The following MKLN1 variants were observed in gnomAD, a reference collection of about 807,000 sequenced individuals.
MKLN1 encodes muskelin.
In MKLN1, 18 loss-of-function variants were observed where a neutral mutation model predicts 99.0. The ratio of observed to expected loss-of-function variants is 0.18; its 90% confidence interval spans 0.13 to 0.27. MKLN1 has a LOEUF of 0.27. Among genes scored for constraint, MKLN1 ranks in the 10% least tolerant of loss-of-function variants. The probability of loss-of-function intolerance (pLI) is 1.00; values close to 1 mark genes in which losing one functional copy is unlikely to be tolerated. For synonymous variants in MKLN1, 288 were observed against 293.2 expected (o/e 0.98, Z 0.18); for missense variants, 621 against 875.9 (o/e 0.71, Z 3.67).
At chr7:131,419,258 T>TTG (rs1554571581) in intron 8 of MKLN1, among the ~76,000 whole-genome samples, 3 of 143,214 alleles carry the variant, frequency 2.1e-5, no homozygotes, top group Non-Finnish European at 3.1e-5. Flanking sequence ...TTTTGTTTTT[T>TTG]TTTTTTTTTT....
At chr7:131,359,939 C>A (rs1262946534) in intron 1 of MKLN1, among the ~76,000 whole-genome samples, 1 of 151,668 alleles carries the variant, frequency 6.6e-6, no homozygotes, top group Non-Finnish European at 1.5e-5. Flanking sequence ...AAAACATGTA[C>A]TTTTTTACCA....
intron 3 of MKLN1, among the ~76,000 whole-genome samples, chr7:131,203,898 C>G (rs1796766438): frequency 6.6e-6 from 1 of 152,114 alleles, no homozygotes; most frequent in South Asian, 2.1e-4. Flanking sequence ...TAACATAGCC[C>G]TCATTTATTG....
intron 1 of MKLN1, among the ~76,000 whole-genome samples, chr7:131,328,409 GA>G (rs1373435205): frequency 2.6e-5 from 4 of 152,162 alleles, no homozygotes; most frequent in African/African-American, 9.7e-5. Context: ...GGCGTCGGGG[GA>G]CAGTTCAGTC....
chr7:131,346,298 G>T (rs1263181288), intron 1 of MKLN1, among the ~76,000 whole-genome samples: 3 of 152,150 alleles, frequency 2.0e-5, no homozygotes, highest in Non-Finnish European at 4.4e-5. Context: ...CAAGGCAGGT[G>T]GATCACTTGA....
At chr7:131,280,240 C>A (rs1798031459) in intron 3 of MKLN1, among the ~76,000 whole-genome samples, 1 of 152,142 alleles carries the variant, frequency 6.6e-6, no homozygotes, top group Non-Finnish European at 1.5e-5. Flanking sequence ...CACGTTAGGC[C>A]ACTATAAATA....
At chr7:131,247,643 C>T (rs1269126337) in intron 3 of MKLN1, among the ~76,000 whole-genome samples, 1 of 152,170 alleles carries the variant, frequency 6.6e-6, no homozygotes, top group African/African-American at 2.4e-5. Flanking sequence ...ATCAAAACTG[C>T]CCCAGTATGA....
intron 5 of MKLN1, among the ~76,000 whole-genome samples, chr7:131,398,315 A>G (rs1400492215): frequency 3.3e-5 from 5 of 152,190 alleles, no homozygotes; most frequent in Non-Finnish European, 5.9e-5. Flanking sequence ...ATTTTAATAA[A>G]TTAAGTGCCT....
intron 2 of MKLN1, among the ~76,000 whole-genome samples, chr7:131,175,614 C>T (rs1300413124): frequency 1.3e-5 from 2 of 152,152 alleles, no homozygotes; most frequent in African/African-American, 4.8e-5. Flanking sequence ...TACAAAAATA[C>T]AAATAGGCCG....
At chr7:131,266,443 TA>T (rs759906778) in intron 3 of MKLN1, among the ~76,000 whole-genome samples, 5 of 152,212 alleles carry the variant, frequency 3.3e-5, no homozygotes, top group Non-Finnish European at 7.3e-5. Flanking sequence ...TAATACACAA[TA>T]AATACTTACT....
chr7:131,469,157 CATAG>C (rs900450378), intron 15 of MKLN1, among the ~76,000 whole-genome samples: 9 of 151,864 alleles, frequency 5.9e-5, no homozygotes, highest in East Asian at 5.8e-4. Flanking sequence ...TAGATAGATG[CATAG>C]ATAGATAGGT....
At chr7:131,312,955 G>A (rs1050230386) in intron 3 of MKLN1, among the ~76,000 whole-genome samples, 2 of 152,178 alleles carry the variant, frequency 1.3e-5, no homozygotes, top group East Asian at 1.9e-4. Flanking sequence ...TGTCCCCAGG[G>A]CCACTTGTCT....
chr7:131,341,411 A>G (rs1799404529), intron 1 of MKLN1, among the ~76,000 whole-genome samples: 1 of 152,190 alleles, frequency 6.6e-6, no homozygotes. Flanking sequence ...TTGCCTATTT[A>G]AGACATTTTC....
chr7:131,321,615 C>G (rs544388054), intron 3 of MKLN1, among the ~76,000 whole-genome samples: 1 of 152,132 alleles, frequency 6.6e-6, no homozygotes, highest in African/African-American at 2.4e-5. Flanking sequence ...TTTCAAATCT[C>G]TCATTATCAA....
intron 3 of MKLN1, among the ~76,000 whole-genome samples, chr7:131,222,374 C>A (rs754703424): frequency 1.3e-5 from 2 of 152,184 alleles, no homozygotes; most frequent in African/African-American, 2.4e-5. Context: ...TGTGTCCCCA[C>A]GTGGTGGAAG....
intron 2 of MKLN1, among the ~76,000 whole-genome samples, chr7:131,152,493 C>CT (rs556839203): frequency 2.3e-5 from 3 of 132,094 alleles, no homozygotes; most frequent in African/African-American, 8.0e-5. Context: ...GTTGTTGTTT[C>CT]TTTTTTTCTT....
intron 3 of MKLN1, among the ~76,000 whole-genome samples, chr7:131,240,099 T>C (rs1211602707): frequency 6.6e-6 from 1 of 152,128 alleles, no homozygotes; most frequent in African/African-American, 2.4e-5. Flanking sequence ...GAAGATCACT[T>C]GAGCCCAGGA....
intron 3 of MKLN1, among the ~76,000 whole-genome samples, chr7:131,256,808 G>A (rs1797664553): frequency 6.6e-6 from 1 of 152,162 alleles, no homozygotes; most frequent in Non-Finnish European, 1.5e-5. Context: ...AAGGGTGGAG[G>A]GAGGGAGGAG....
rs113026848 is a variant in MKLN1 at position 131,479,850 on chromosome 7, TTAAATAAATAAA to T, written c.2086+1187_2086+1198del. ...TCAAAAAATAATAATAATAATAAAT[TTAAATAAATAAA>T]TAAATAAATAAATCAGCCGGGCACG... On this transcript the variant is annotated intron_variant, in intron 17 of 17. Coordinates refer to ENST00000352689, the MANE Select transcript of MKLN1 (RefSeq NM_013255.5). Among the ~76,000 whole-genome samples the T allele has an allele frequency of 2.1e-5, 3 of 143,064 alleles. No homozygotes were observed. The South Asian group carries it at 6.9e-4, about 33-fold the overall frequency. 93.9% of individuals were successfully genotyped at this position (143,064 alleles called of 152,430 possible).
At chr7:131,289,621 G>A (rs1312973718) in intron 3 of MKLN1, among the ~76,000 whole-genome samples, 1 of 152,212 alleles carries the variant, frequency 6.6e-6, no homozygotes, top group Admixed American at 6.5e-5. Flanking sequence ...GACCACCTGA[G>A]TTCCAATCCT....
Sources: allele counts gnomAD v4.1 joint callset (sites outside exome capture counted in the v4.1 genomes callset), GRCh38; gene constraint gnomAD v4.1.1; transcripts MANE v1.5; gene names NCBI Gene and HGNC (gene_info 2026-07-23, HGNC 2026-07-21).